The following PRSS48 variants were observed in gnomAD, a reference collection of about 807,000 sequenced individuals.
PRSS48 encodes the protein serine protease 48, also known as epidermis-specific serine protease-like protein.
PRSS48 carries 21 observed loss-of-function variants against 25.6 expected under a neutral mutation model. That is an observed-to-expected ratio of 0.82 (90% CI 0.58 to 1.18). PRSS48 has a LOEUF of 1.18. Among genes scored for constraint, PRSS48 ranks in the 50% most tolerant of loss-of-function variants. The probability of loss-of-function intolerance (pLI) is 0.00; values close to 1 mark genes in which losing one functional copy is unlikely to be tolerated. For missense variants in PRSS48, 373 were observed against 399.3 expected (o/e 0.93, Z 0.56); for synonymous variants, 150 against 149.3 (o/e 1.00, Z -0.04).
At chr4:151,278,250 G>A (rs1160788753) in intron 1 of PRSS48, among the ~76,000 whole-genome samples, 2 of 152,126 alleles carry the variant, frequency 1.3e-5, no homozygotes, top group African/African-American at 2.4e-5. Flanking sequence ...TCAAGTAAAA[G>A]CTAAATTTGA....
At chr4:151,291,152 A>C (rs765696448) in exon 5 of PRSS48, 1 of 1,613,540 alleles carries the variant, frequency 6.2e-7, no homozygotes, top group Non-Finnish European at 8.5e-7. Context: ...TGTCACATTG[A>C]TGGTGTATGG....
At chr4:151,282,549 G>A in intron 3 of PRSS48, 136 bp downstream of exon 3, 1 of 856,502 alleles carries the variant, frequency 1.2e-6, no homozygotes, top group Middle Eastern at 3.6e-4. Context: ...TTATCTATAA[G>A]TTTTTAAATA....
chr4:151,284,770 A>C (rs1774581479), intron 4 of PRSS48, among the ~76,000 whole-genome samples: 1 of 152,236 alleles, frequency 6.6e-6, no homozygotes, highest in Admixed American at 6.5e-5. Flanking sequence ...ACGGGAAGTC[A>C]ACTTGGCTGA....
exon 2 of PRSS48, chr4:151,279,843 G>A: frequency 6.2e-7 from 1 of 1,610,804 alleles, no homozygotes; most frequent in Non-Finnish European, 8.5e-7. Flanking sequence ...TGGCCAGGAT[G>A]CTGCTGCAGG....
At chr4:151,277,291 A>T in intron 1 of PRSS48, 67 bp downstream of exon 1, 4 of 1,261,252 alleles carry the variant, frequency 3.2e-6, no homozygotes, top group South Asian at 1.9e-5. Context: ...CATCACATAG[A>T]ACAATGTGAC....
At chr4:151,281,568 T>C (rs1255331717) in intron 2 of PRSS48, among the ~76,000 whole-genome samples, 2 of 152,114 alleles carry the variant, frequency 1.3e-5, no homozygotes, top group African/African-American at 4.8e-5. Flanking sequence ...CAGCTATATA[T>C]AGGATTTCTT....
At chr4:151,282,052 C>T (rs1774285867) in intron 2 of PRSS48, 96 bp from the exon 3 acceptor site, 1 of 1,285,038 alleles carries the variant, frequency 7.8e-7, no homozygotes, top group Non-Finnish European at 1.1e-6. Context: ...CAGTTGGCTA[C>T]CCTCCTTTCT....
chr4:151,277,497 A>T (rs1232496297), intron 1 of PRSS48, among the ~76,000 whole-genome samples: 1 of 152,142 alleles, frequency 6.6e-6, no homozygotes, highest in Non-Finnish European at 1.5e-5. Flanking sequence ...GTTAGAAGGT[A>T]ATAAGTACTA....
chr4:151,284,438 A>T (rs527706906), intron 4 of PRSS48, among the ~76,000 whole-genome samples: 7 of 152,292 alleles, frequency 4.6e-5, no homozygotes, highest in Non-Finnish European at 7.3e-5. Flanking sequence ...TCATCCACAT[A>T]TACTTTCTAC....
intron 2 of PRSS48, among the ~76,000 whole-genome samples, chr4:151,281,089 A>G (rs555180982): frequency 1.3e-5 from 2 of 151,348 alleles, no homozygotes; most frequent in South Asian, 4.2e-4. Flanking sequence ...AGAAAGTCAT[A>G]AAGGATAAAG....
chr4:151,289,054 T>C (rs1311959623), intron 4 of PRSS48, among the ~76,000 whole-genome samples: 2 of 152,198 alleles, frequency 1.3e-5, no homozygotes, highest in South Asian at 2.1e-4. Flanking sequence ...ATCAATGAAA[T>C]AGGATTGAGT....
intron 3 of PRSS48, 108 bp from the exon 4 acceptor site, chr4:151,283,009 T>C: frequency 1.1e-6 from 1 of 919,860 alleles, no homozygotes; most frequent in Non-Finnish European, 1.7e-6. Context: ...AAAGGCATTG[T>C]AAGCTGCTTT....
chr4:151,280,221 G>A (rs182913938), intron 2 of PRSS48, among the ~76,000 whole-genome samples: 865 of 53,054 alleles, frequency 0.016, 10 homozygotes, highest in African/African-American at 0.032. Flanking sequence ...GATTTTTGTC[G>A]TGTTTTTGGG....
At chr4:151,283,274 G>A (rs989713494) in exon 4 of PRSS48, 4 of 1,613,446 alleles carry the variant, frequency 2.5e-6, no homozygotes, top group Non-Finnish European at 3.4e-6. Context: ...AAAACATGAA[G>A]GATAGTTGCA....
At chr4:151,283,375 G>C in intron 4 of PRSS48, 89 bp downstream of exon 4, 1 of 1,187,028 alleles carries the variant, frequency 8.4e-7, no homozygotes, top group Non-Finnish European at 1.2e-6. Context: ...AGTGGATTGG[G>C]AGTCAGGAGA....
intron 1 of PRSS48, 93 bp downstream of exon 1, chr4:151,277,317 T>C: frequency 9.8e-7 from 1 of 1,017,418 alleles, no homozygotes. Flanking sequence ...ACCCATGGGA[T>C]GTTAGTTATG....
Sources: gnomAD v4.1 joint callset for allele counts (sites outside exome capture counted in the v4.1 genomes callset) on GRCh38, gnomAD v4.1.1 for gene constraint, MANE v1.5 for transcripts, NCBI Gene and HGNC (gene_info 2026-07-23, HGNC 2026-07-21) for gene names.